The following RFTN1 variants were observed in gnomAD, a reference collection of about 807,000 sequenced individuals.
RFTN1 encodes raftlin, lipid raft linker 1, also known as raftlin.
Under a neutral mutation model 46.5 loss-of-function variants are expected in RFTN1, and 26 were observed. That is an observed-to-expected ratio of 0.56 (90% CI 0.41 to 0.78). RFTN1 has a LOEUF of 0.78. Ranked by LOEUF, RFTN1 falls within the 30% of genes least tolerant of loss-of-function variation. The probability of loss-of-function intolerance (pLI) is 0.00; values close to 1 mark genes in which losing one functional copy is unlikely to be tolerated. For missense variants in RFTN1, 693 were observed against 718.7 expected, an observed-to-expected ratio of 0.96 and a Z score of 0.41; for synonymous variants, 261 against 284.2, an observed-to-expected ratio of 0.92 and a Z score of 0.82.
rs545226545 is a variant in RFTN1 at position 16,348,840 on chromosome 3, T to G, written c.1146+9092A>C. Among the ~76,000 whole-genome samples, 8 of 152,318 alleles carry G rather than the reference T, an allele frequency of 5.3e-5. No individual in the cohort carries two copies. The highest frequency in any genetic ancestry group is 1.9e-4 in the African/African-American group (8 of 41,560). On this transcript the variant is annotated intron_variant, in intron 7 of 9. Coordinates refer to ENST00000334133, the MANE Select transcript of RFTN1 (RefSeq NM_015150.2). This position sits in a 1 kb window ranked among gnomAD's most constrained non-coding sequence, Gnocchi z 6.3. ...CCCACTGGGAAGCAGGAGGACTGGT[T>G]TTGGTCCAATAGCCCATCATCTCTG...
chr3:16,345,855 T>TGTGTGTGTGTGC lies in RFTN1; in HGVS notation c.1146+12076_1146+12077insGCACACACACAC, dbSNP rs1559843974. Among the ~76,000 whole-genome samples the TGTGTGTGTGTGC allele has an allele frequency of 1.5e-4, 9 of 61,756 alleles. No individual in the cohort carries two copies. Among genetic ancestry groups the TGTGTGTGTGTGC allele is most frequent in the Admixed American group, 4.3e-4 (3 of 7,028 alleles). The allele number at this position is 61,756 out of a possible 152,430, so 40.5% of individuals were successfully genotyped here. A position where few individuals can be genotyped will look rare whatever the true frequency, so the allele number is the denominator to read the frequency against. ...GCGCGCACGCGCACATGTGCATGTG[T>TGTGTGTGTGTGC]ATGTGTATAATCTCCTACTGGTTCT... On this transcript the variant is annotated intron_variant, in intron 7 of 9. Transcript: ENST00000334133. The surrounding 1 kb of genome is among the most constrained non-coding windows in gnomAD (Gnocchi z 5.2).
intron 2 of RFTN1, among the ~76,000 whole-genome samples, chr3:16,486,530 G>A (rs1009262386): frequency 6.6e-6 from 1 of 152,202 alleles, no homozygotes; most frequent in Non-Finnish European, 1.5e-5. Flanking sequence ...TCCTCTTCGT[G>A]AAAAGATTAT....
At position 16,352,149 on chromosome 3, in the gene RFTN1, C is replaced by G. The variant is rs1212213353; in HGVS notation, c.1146+5783G>C. Among the ~76,000 whole-genome samples the G allele has an allele frequency of 6.6e-6, 1 of 152,238 alleles. No individual in the cohort carries two copies. Among genetic ancestry groups the G allele is most frequent in the Admixed American group, 6.5e-5 (1 of 15,290 alleles). ...GCTTTTTCAATTAACCCACCAGCCA[C>G]CATACCAATTGCATCAGCTGTAAGT... is the stretch of plus-strand genomic sequence containing the variant. On this transcript the variant is annotated intron_variant, in intron 7 of 9. Transcript: ENST00000334133. The surrounding 1 kb of genome is among the most constrained non-coding windows in gnomAD (Gnocchi z 4.6).
In RFTN1 at chr3:16,341,603, T is replaced by C. The variant is rs2071323337; in HGVS notation, c.1147-14727A>G. ...TTCAGTTTTGCTATGAACCTAAAAC[T>C]ACTCTAAAATATAAAGTTTATTTTT... On this transcript the variant is annotated intron_variant, in intron 7 of 9. Coordinates refer to ENST00000334133, the MANE Select transcript of RFTN1 (RefSeq NM_015150.2). The surrounding 1 kb of genome is among the most constrained non-coding windows in gnomAD (Gnocchi z 4.7). 6.6e-6 allele frequency among the ~76,000 whole-genome samples: 1 copy of C among 152,126 alleles called. No individual in the cohort carries two copies. Among genetic ancestry groups the C allele is most frequent in the Admixed American group, 6.5e-5 (1 of 15,270 alleles).
intron 3 of RFTN1, among the ~76,000 whole-genome samples, chr3:16,423,468 C>T (rs2075231912): frequency 6.6e-6 from 1 of 152,168 alleles, no homozygotes; most frequent in Non-Finnish European, 1.5e-5. Context: ...AAGAGGAATG[C>T]TATTAGAAGA....
In RFTN1 at chr3:16,361,260, G is replaced by A. The variant is rs1467002457; in HGVS notation, c.1031-3213C>T. On this transcript the variant is annotated intron_variant, in intron 6 of 9. Coordinates refer to ENST00000334133, the MANE Select transcript of RFTN1 (RefSeq NM_015150.2). This position sits in a 1 kb window ranked among gnomAD's most constrained non-coding sequence, Gnocchi z 4.3. Reference sequence around the variant, plus strand: ...AGTGACATGTTACTGGAGTTCAAGTGCACTGAATAACCTTCCAGCCATTCA... The same window carrying A: ...AGTGACATGTTACTGGAGTTCAAGTACACTGAATAACCTTCCAGCCATTCA... 6.6e-6 allele frequency among the ~76,000 whole-genome samples: 1 copy of A among 152,158 alleles called. No homozygotes were observed. Among genetic ancestry groups the A allele is most frequent in the Non-Finnish European group, 1.5e-5 (1 of 68,034 alleles).
At chr3:16,491,750 A>G (rs1459429965) in intron 2 of RFTN1, among the ~76,000 whole-genome samples, 1 of 146,072 alleles carries the variant, frequency 6.8e-6, no homozygotes, top group Non-Finnish European at 1.5e-5. Flanking sequence ...ACGATGCAAA[A>G]AACAAACAAA....
At chr3:16,319,913 C>T (rs2068849388) in intron 9 of RFTN1, among the ~76,000 whole-genome samples, 1 of 152,062 alleles carries the variant, frequency 6.6e-6, no homozygotes, top group Admixed American at 6.6e-5. Flanking sequence ...TGAGTAGGAC[C>T]GGGGGAGTCT....
chr3:16,414,851 C>T (rs914116996), intron 3 of RFTN1, among the ~76,000 whole-genome samples: 1 of 152,184 alleles, frequency 6.6e-6, no homozygotes, highest in African/African-American at 2.4e-5. Context: ...CAAAGAAGCC[C>T]TGTGGCCGGG....
rs2074139078 is a variant in RFTN1 at position 16,385,499 on chromosome 3, T to C, written c.442-7397A>G. On this transcript the variant is annotated intron_variant, in intron 4 of 9. Transcript: ENST00000334133. This position sits in a 1 kb window ranked among gnomAD's most constrained non-coding sequence, Gnocchi z 5.0. ...ACAAAGAGTTTGAAGGCTTAAAGCT[T>C]TGGACCTGGCTCTGTTACTCAGTAG... 6.6e-6 allele frequency among the ~76,000 whole-genome samples: 1 copy of C among 152,204 alleles called. No individual in the cohort carries two copies. Among genetic ancestry groups the C allele is most frequent in the Non-Finnish European group, 1.5e-5 (1 of 68,040 alleles).
intron 4 of RFTN1, among the ~76,000 whole-genome samples, chr3:16,397,522 A>G (rs2125414496): frequency 6.6e-6 from 1 of 152,364 alleles, no homozygotes; most frequent in East Asian, 1.9e-4. Context: ...TATGCAAGAT[A>G]TATTAATTTG....
chr3:16,358,430 GTTT>G (rs11456149), intron 6 of RFTN1, among the ~76,000 whole-genome samples: 2 of 149,122 alleles, frequency 1.3e-5, no homozygotes, highest in African/African-American at 2.5e-5. Flanking sequence ...TTAGGTGAGG[GTTT>G]TTTTTTTCTT....
rs1323972558 is a variant in RFTN1, at chr3:16,385,697, A to G, written c.442-7595T>C. ...CAGAGTAGTTTGTCATAGTAGATGC[A>G]TGCCCTGACCAGGAGGGCACAGTCA... On this transcript the variant is annotated intron_variant, in intron 4 of 9. Coordinates refer to ENST00000334133, the MANE Select transcript of RFTN1 (RefSeq NM_015150.2). The surrounding 1 kb of genome is among the most constrained non-coding windows in gnomAD (Gnocchi z 5.0). 6.6e-6 allele frequency among the ~76,000 whole-genome samples: 1 copy of G among 152,226 alleles called. No homozygotes were observed. Among genetic ancestry groups the G allele is most frequent in the African/African-American group, 2.4e-5 (1 of 41,450 alleles).
At chr3:16,488,561 A>G (rs2076490254) in intron 2 of RFTN1, among the ~76,000 whole-genome samples, 1 of 152,220 alleles carries the variant, frequency 6.6e-6, no homozygotes, top group Non-Finnish European at 1.5e-5. Context: ...TGCTATGGTT[A>G]AAACCTTATG....
Position 16,428,055 on chromosome 3 carries a change from T to C in RFTN1, c.332+5796A>G, listed in dbSNP as rs993080578. 6.6e-5 allele frequency among the ~76,000 whole-genome samples: 10 copies of C among 152,178 alleles called. No homozygotes were observed. Among genetic ancestry groups the C allele is most frequent in the African/African-American group, 2.4e-4 (10 of 41,436 alleles). ...GCTCCCTAGTAGATAGATAAGTTTCTTGAGATCTAGGAGCTCCTTAGAGTC... is the reference window on the plus strand; with the variant it reads ...GCTCCCTAGTAGATAGATAAGTTTCCTGAGATCTAGGAGCTCCTTAGAGTC... On this transcript the variant is annotated intron_variant, in intron 3 of 9. Coordinates refer to ENST00000334133, the MANE Select transcript of RFTN1 (RefSeq NM_015150.2). The surrounding 1 kb of genome is among the most constrained non-coding windows in gnomAD (Gnocchi z 4.7).
rs779254246 is a variant in RFTN1 at position 16,475,095 on chromosome 3, G to C, written c.145+18630C>G. Among the ~76,000 whole-genome samples, 2 of 152,120 alleles carry C rather than the reference G, an allele frequency of 1.3e-5. No individual in the cohort carries two copies. The highest frequency in any genetic ancestry group is 1.5e-5 in the Non-Finnish European group (1 of 68,032). The stretch of plus-strand genomic sequence containing the variant: ...GAGAACTGGTTGTTTAAAAGAGCAT[G>C]GCACCTCCTCGTCTCTTGCTTCCTC... On this transcript the variant is annotated intron_variant, in intron 2 of 9. Transcript: ENST00000334133. The surrounding 1 kb of genome is among the most constrained non-coding windows in gnomAD (Gnocchi z 4.2).
intron 6 of RFTN1, among the ~76,000 whole-genome samples, chr3:16,368,777 G>T (rs1331647393): frequency 6.6e-6 from 1 of 152,058 alleles, no homozygotes; most frequent in Non-Finnish European, 1.5e-5. Flanking sequence ...TAAACTTAAT[G>T]AAAGTTAAAT....
chr3:16,425,442 A>G lies in RFTN1; in HGVS notation c.332+8409T>C, dbSNP rs1043433689. 6.6e-6 allele frequency among the ~76,000 whole-genome samples: 1 copy of G among 152,160 alleles called. No individual in the cohort carries two copies. The highest frequency in any genetic ancestry group is 1.5e-5 in the Non-Finnish European group (1 of 68,036). On this transcript the variant is annotated intron_variant, in intron 3 of 9. Coordinates refer to ENST00000334133, the MANE Select transcript of RFTN1 (RefSeq NM_015150.2). The surrounding 1 kb of genome is among the most constrained non-coding windows in gnomAD (Gnocchi z 4.3). The stretch of plus-strand genomic sequence containing the variant: ...TTCTGGGGAGAGGGTGGAAATCACT[A>G]GTGTGCTAATTCTCTCTCTCAGAAG...
chr3:16,367,697 A>G lies in RFTN1; in HGVS notation c.1030+2379T>C, dbSNP rs9878449. ...TTTCAAACACTCAAGTCAAATCTGA[A>G]GAAAAAGCTGCTTAAGTTGTCTGCA... On this transcript the variant is annotated intron_variant, in intron 6 of 9. Coordinates refer to ENST00000334133, the MANE Select transcript of RFTN1 (RefSeq NM_015150.2). Among the ~76,000 whole-genome samples the G allele has an allele frequency of 9.4e-3, 1,430 of 152,348 alleles. 18 individuals carry two copies. The highest frequency in any genetic ancestry group is 0.033 in the African/African-American group (1,359 of 41,554).
Sources: allele counts gnomAD v4.1 joint callset (sites outside exome capture counted in the v4.1 genomes callset), GRCh38; gene constraint gnomAD v4.1.1; non-coding constraint Gnocchi (gnomAD v3.1); transcripts MANE v1.5; gene names NCBI Gene and HGNC (gene_info 2026-07-23, HGNC 2026-07-21).